The following BAZ1B variants were observed in gnomAD, a reference collection of about 807,000 sequenced individuals.
BAZ1B encodes bromodomain adjacent to zinc finger domain 1B.
Under a neutral mutation model 153.8 loss-of-function variants are expected in BAZ1B, and 22 were observed. The ratio of observed to expected loss-of-function variants is 0.14; its 90% CI spans 0.10 to 0.20. The LOEUF is 0.20. Ranked by LOEUF, BAZ1B falls within the 10% of genes least tolerant of loss-of-function variation. The probability of loss-of-function intolerance (pLI) is 1.00; values close to 1 mark genes in which losing one functional copy is unlikely to be tolerated. For missense variants in BAZ1B, 1,325 were observed against 1,799.3 expected, an observed-to-expected ratio of 0.74 and a Z score of 4.77; for synonymous variants, 676 against 633.4, an observed-to-expected ratio of 1.07 and a Z score of -1.01.
At chr7:73,519,091 C>T (rs1410178513) in intron 1 of BAZ1B, among the ~76,000 whole-genome samples, 2 of 152,264 alleles carry the variant, frequency 1.3e-5, no homozygotes, top group African/African-American at 2.4e-5. Context: ...CAATATTTAA[C>T]ACCTAGTCAT....
At chr7:73,455,234 A>G (rs915782116) in intron 13 of BAZ1B, among the ~76,000 whole-genome samples, 2 of 152,038 alleles carry the variant, frequency 1.3e-5, no homozygotes, top group African/African-American at 4.8e-5. Context: ...CAAACTTACT[A>G]GCGACTGGCA....
chr7:73,453,846 G>C (rs902783017), intron 13 of BAZ1B, among the ~76,000 whole-genome samples: 2 of 151,962 alleles, frequency 1.3e-5, no homozygotes, highest in Admixed American at 6.6e-5. Flanking sequence ...GGGTATGGTG[G>C]CACATGCCTG....
Position 73,474,704 on chromosome 7 carries a change from G to A in BAZ1B, c.2593+2164C>T, listed in dbSNP as rs144170700. ...GCAAGAGAATCACTTGAACCCAGGAGGCAGAGGTTTCAGGGAGCTGAGATC... is the reference window on the plus strand; with the variant it reads ...GCAAGAGAATCACTTGAACCCAGGAAGCAGAGGTTTCAGGGAGCTGAGATC... On this transcript the variant is annotated intron_variant, in intron 7 of 19. Transcript: ENST00000339594. Among the ~76,000 whole-genome samples, 719 of 152,306 alleles carry A rather than the reference G, an allele frequency of 4.7e-3. 6 individuals carry two copies. The highest frequency in any genetic ancestry group is 0.01 in the Middle Eastern group (3 of 294).
intron 16 of BAZ1B, among the ~76,000 whole-genome samples, chr7:73,445,022 A>G (rs1787777536): frequency 1.9e-5 from 1 of 53,536 alleles, no homozygotes; most frequent in South Asian, 1.1e-3. Context: ...CTCACAAAAG[A>G]AAAAAAACAC....
chr7:73,454,836 G>T (rs1363336984), intron 13 of BAZ1B, among the ~76,000 whole-genome samples: 2 of 152,026 alleles, frequency 1.3e-5, no homozygotes, highest in African/African-American at 4.8e-5. Flanking sequence ...CACTCAAATT[G>T]AGTTCCCCGA....
At chr7:73,510,337 G>A (rs1183514135) in intron 2 of BAZ1B, among the ~76,000 whole-genome samples, 2 of 152,026 alleles carry the variant, frequency 1.3e-5, no homozygotes, top group African/African-American at 4.8e-5. Context: ...GCTGAGGCAG[G>A]AGAATCACTT....
chr7:73,488,833 T>C (rs868963049), intron 6 of BAZ1B, among the ~76,000 whole-genome samples: 1 of 152,144 alleles, frequency 6.6e-6, no homozygotes, highest in East Asian at 1.9e-4. Context: ...CCACTGTATG[T>C]GATCATCTTG....
chr7:73,462,576 T>TGCAA (rs2116284583), intron 12 of BAZ1B: 1 of 296,162 alleles, frequency 3.4e-6, no homozygotes, highest in South Asian at 3.2e-5. Flanking sequence ...GTGCAGGATA[T>TGCAA]GCAAGCATGT....
intron 6 of BAZ1B, among the ~76,000 whole-genome samples, chr7:73,482,397 TAAC>T (rs1789237231): frequency 6.6e-6 from 1 of 152,162 alleles, no homozygotes; most frequent in African/African-American, 2.4e-5. Context: ...CCCAAAAAGT[TAAC>T]AACCTTCTTC....
intron 3 of BAZ1B, among the ~76,000 whole-genome samples, chr7:73,507,561 AAAAAG>A (rs1334992828): frequency 6.6e-6 from 1 of 152,226 alleles, no homozygotes; most frequent in Non-Finnish European, 1.5e-5. Context: ...CGAAAAATAA[AAAAAG>A]AAAAGAAAAA....
At chr7:73,502,357 CTTT>C (rs146842229) in intron 3 of BAZ1B, among the ~76,000 whole-genome samples, 1 of 149,320 alleles carries the variant, frequency 6.7e-6, no homozygotes. Context: ...ATCATATCTA[CTTT>C]TTTTTTTATC....
intron 4 of BAZ1B, among the ~76,000 whole-genome samples, chr7:73,493,503 G>A (rs952068183): frequency 3.3e-5 from 5 of 151,746 alleles, no homozygotes; most frequent in African/African-American, 1.2e-4. Context: ...ATACAGAGAA[G>A]GAATACCTAA....
intron 3 of BAZ1B, among the ~76,000 whole-genome samples, chr7:73,501,167 A>G (rs1191833909): frequency 6.6e-6 from 1 of 151,926 alleles, no homozygotes; most frequent in Non-Finnish European, 1.5e-5. Context: ...GAGACAGGAG[A>G]ATCGCTTGAA....
At chr7:73,494,988 C>T (rs1789816939) in intron 4 of BAZ1B, among the ~76,000 whole-genome samples, 1 of 152,150 alleles carries the variant, frequency 6.6e-6, no homozygotes, top group African/African-American at 2.4e-5. Flanking sequence ...TGAATCTAAA[C>T]TGCATAAAGG....
Position 73,478,486 on chromosome 7 carries a change from G to C in BAZ1B, c.975C>G (p.Asn325Lys). ...GATTTAGTGGTGAACTAAGAGAAGA[G>C]TTGTCTGTCTTGGATTTCTTTGAGG... The part of the protein sequence containing the change: ...RKPSKKSKTD[N>K]SSLSSPLNPK... Residue 325 changes from asparagine to lysine, a missense_variant, in exon 7 of 20, where the codon AAC becomes AAG. Physicochemically the swap from Asn to Lys is moderately conservative, Grantham distance 94. Transcript: ENST00000339594. 1 of 1,608,310 alleles carries C rather than the reference G, an allele frequency of 6.2e-7. No individual in the cohort carries two copies.
At chr7:73,504,642 C>A (rs112821334) in intron 3 of BAZ1B, among the ~76,000 whole-genome samples, 1 of 151,102 alleles carries the variant, frequency 6.6e-6, no homozygotes, top group Non-Finnish European at 1.5e-5. Flanking sequence ...CCAGCCTGGG[C>A]GACAGAGCGA....
At chr7:73,512,846 G>A (rs73134964) in intron 1 of BAZ1B, among the ~76,000 whole-genome samples, 9,774 of 152,116 alleles carry the variant, frequency 0.064, 365 homozygotes, top group African/African-American at 0.088. Context: ...TTTGTTTTTT[G>A]GAAACAAGGC....
intron 12 of BAZ1B, among the ~76,000 whole-genome samples, chr7:73,460,446 G>A (rs1788358209): frequency 6.6e-6 from 1 of 152,044 alleles, no homozygotes; most frequent in South Asian, 2.1e-4. Context: ...CTTCCAGCAT[G>A]TAACTAACTA....
At chr7:73,486,216 C>T (rs1317870989) in intron 6 of BAZ1B, among the ~76,000 whole-genome samples, 3 of 152,150 alleles carry the variant, frequency 2.0e-5, no homozygotes, top group Non-Finnish European at 2.9e-5. Flanking sequence ...CACAAACACA[C>T]CCTCATCATC....
Sources: allele counts gnomAD v4.1 joint callset (sites outside exome capture counted in the v4.1 genomes callset), GRCh38; gene constraint gnomAD v4.1.1; transcripts MANE v1.5; gene names NCBI Gene and HGNC (gene_info 2026-07-23, HGNC 2026-07-21).